PALB2: variants seen among roughly 807,000 people sequenced by gnomAD.
The protein encoded by PALB2 is mutant partner and localizer of BRCA2.
A neutral mutation model predicts 107.4 loss-of-function variants in PALB2; 82 were observed. That is an observed-to-expected ratio of 0.76 (90% CI 0.64 to 0.92). The LOEUF (loss-of-function observed/expected upper bound fraction) is 0.92, where lower values mean the gene tolerates loss of function less well. PALB2 is among the 40% of genes least tolerant of loss of function. The pLI, the probability that PALB2 is intolerant of heterozygous loss-of-function variation, is 0.00. For missense variants in PALB2, 1,374 were observed against 1,379.9 expected (o/e 1.00, Z 0.07); for synonymous variants, 489 against 496.8 (o/e 0.98, Z 0.21).
Position 23,603,744 on chromosome 16 carries a change from C to T in PALB2, c.3351-75G>A, listed in dbSNP as rs1329160583. The T allele has an allele frequency of 3.0e-6, 4 of 1,349,072 alleles. No homozygotes were observed. In the African/African-American group the frequency reaches 5.9e-5, roughly 20 times the overall value. 83.6% of individuals were successfully genotyped at this position (1,349,072 alleles called of 1,614,324 possible). Reference sequence around the variant, plus strand: ...ATTAAAAAAAAAAAAAAGGTCAAAACCATGTTCCCAAAACCAGCAACAGGA... The same window carrying T: ...ATTAAAAAAAAAAAAAAGGTCAAAATCATGTTCCCAAAACCAGCAACAGGA... On this transcript the variant is annotated intron_variant, in intron 12 of 12. Transcript: ENST00000261584.
In PALB2 at chr16:23,624,005, A is replaced by G. The variant is rs982643702; in HGVS notation, c.2834+4T>C. The stretch of plus-strand genomic sequence containing the variant: ...AAACAAATCACTCCTTGGGAATTAC[A>G]TACCTGATCTCTCTGATTTCCAAAT... On this transcript the variant is annotated splice_donor_region_variant and intron_variant, in intron 8 of 12. Transcript: ENST00000261584. 2 of 1,567,998 alleles carry G rather than the reference A, an allele frequency of 1.3e-6. No homozygotes were observed. The highest frequency in any genetic ancestry group is 1.7e-5 in the Admixed American group (1 of 59,944).
chr16:23,630,271 T>G lies in PALB2; in HGVS notation c.1883A>C (p.Lys628Thr), dbSNP rs954390684. ...CTCCACTGGTTTTTCTGAGCAGGAC[T>G]TCACTTTTTCAAGCTTAAGAGGTCC... is the stretch of plus-strand genomic sequence containing the variant. ...DFGPLKLEKV[K>T]SCSEKPVEPF... The change falls in exon 5 of 13, where the codon AAG (lysine) becomes ACG (threonine). Residue 628 changes from lysine to threonine, a missense_variant. By Grantham distance (78) the Lys-to-Thr change is moderately conservative (BLOSUM62 -1). Transcript: ENST00000261584. 5 of 1,614,014 alleles carry G rather than the reference T, an allele frequency of 3.1e-6. No homozygotes were observed. The highest frequency in any genetic ancestry group is 1.6e-4 in the Middle Eastern group (1 of 6,084).
At chr16:23,615,765 A>G (rs1315723901) in intron 10 of PALB2, among the ~76,000 whole-genome samples, 1 of 152,034 alleles carries the variant, frequency 6.6e-6, no homozygotes, top group African/African-American at 2.4e-5. Context: ...CCCAGGTTCA[A>G]GCAATTCTCC....
rs1354687901 is a variant in PALB2, at chr16:23,637,879, T to C, written c.182A>G (p.Gln61Arg). The C allele has an allele frequency of 6.2e-7, 1 of 1,613,994 alleles. No individual in the cohort carries two copies. The highest frequency in any genetic ancestry group is 2.2e-5 in the East Asian group (1 of 44,874). The change falls in exon 3 of 13, where the codon CAG becomes CGG. Residue 61 changes from glutamine (Q) to arginine (R), a missense_variant. Physicochemically the swap from Gln to Arg is conservative, Grantham distance 43 (BLOSUM62 1). Transcript: ENST00000261584. Reference sequence around the variant, plus strand: ...GTGTTTTAGCTGCGGTGAGAGATCCTGCTGAGACAAACAATCTTGTTCTTC... The same window carrying C: ...GTGTTTTAGCTGCGGTGAGAGATCCCGCTGAGACAAACAATCTTGTTCTTC... The part of the protein sequence containing the change: ...TVEEQDCLSQ[Q>R]DLSPQLKHSE...
At chr16:23,613,644 CAAA>C (rs58876099) in intron 11 of PALB2, among the ~76,000 whole-genome samples, 1 of 129,830 alleles carries the variant, frequency 7.7e-6, no homozygotes. Flanking sequence ...AACTCCATCC[CAAA>C]AAAAAAAAAA....
rs1555461202 is a variant in PALB2 at position 23,634,951 on chromosome 16, G to A, written c.1595C>T (p.Pro532Leu). The A allele has an allele frequency of 6.2e-7, 1 of 1,614,138 alleles. No individual in the cohort carries two copies. The highest frequency in any genetic ancestry group is 8.5e-7 in the Non-Finnish European group (1 of 1,180,036). ...GTTAACAATCGACAGGCTAGAAGTT[G>A]GCAAAAGTGGTTCACAATGATCTGA... is the stretch of plus-strand genomic sequence containing the variant. Reference protein sequence around the residue: ...PASDHCEPLLPTSSLSIVNRS... With the variant: ...PASDHCEPLLLTSSLSIVNRS... Residue 532 changes from proline (P) to leucine (L), a missense_variant, in exon 4 of 13, where the codon CCA (proline) becomes CTA (leucine). Pro to Leu is a moderately conservative substitution (Grantham distance 98). Transcript: ENST00000261584.
At chr16:23,631,022 C>CA (rs1966871557) in intron 4 of PALB2, among the ~76,000 whole-genome samples, 1 of 149,638 alleles carries the variant, frequency 6.7e-6, no homozygotes, top group African/African-American at 2.5e-5. Flanking sequence ...TCAGCACTTT[C>CA]AGAGGCTGAG....
At position 23,631,975 on chromosome 16, in the gene PALB2, T is replaced by A. The variant is rs566502256; in HGVS notation, c.1685-1506A>T. Among the ~76,000 whole-genome samples, 79 of 152,262 alleles carry A rather than the reference T, an allele frequency of 5.2e-4. 1 individual carries two copies. The highest frequency in any genetic ancestry group is 1.9e-3 in the African/African-American group (77 of 41,548). On this transcript the variant is annotated intron_variant, in intron 4 of 12. Coordinates refer to ENST00000261584, the MANE Select transcript of PALB2 (RefSeq NM_024675.4). ...AATCCTCCCACATCAGCCTCCTGAGTAGCAATTTACCGCTCTTATTGCAAA... is the reference window on the plus strand; with the variant it reads ...AATCCTCCCACATCAGCCTCCTGAGAAGCAATTTACCGCTCTTATTGCAAA...
chr16:23,603,984 T>C (rs1966414375), intron 12 of PALB2, among the ~76,000 whole-genome samples: 1 of 152,186 alleles, frequency 6.6e-6, no homozygotes, highest in Admixed American at 6.6e-5. Flanking sequence ...CTCTTGCCAT[T>C]CTTTCTCCCT....
At chr16:23,640,440 G>A in intron 1 of PALB2, 1 of 203,996 alleles carries the variant, frequency 4.9e-6, no homozygotes. Context: ...GGAAGCGGAG[G>A]TTGCAGTGAG....
At chr16:23,638,532 C>T (rs914183164) in intron 1 of PALB2, 2 of 461,598 alleles carry the variant, frequency 4.3e-6, no homozygotes, top group Non-Finnish European at 8.6e-6. Flanking sequence ...AACTGCCATC[C>T]TCAGTCACTC....
Position 23,630,477 on chromosome 16 carries a change from A to C in PALB2, c.1685-8T>G, listed in dbSNP as rs1409579395. On this transcript the variant is annotated splice_region_variant and splice_polypyrimidine_tract_variant and intron_variant, in intron 4 of 12. Transcript: ENST00000261584. ...GATGACGACTTTTCTTCCCTAAAGA[A>C]GAAAAATAAGTCACAAAATAGTAAC... 6.3e-7 allele frequency: 1 copy of C among 1,593,068 alleles called. No individual in the cohort carries two copies. The highest frequency in any genetic ancestry group is 8.6e-7 in the Non-Finnish European group (1 of 1,164,582).
intron 10 of PALB2, among the ~76,000 whole-genome samples, chr16:23,615,828 C>T (rs924407242): frequency 7.9e-5 from 12 of 151,928 alleles, no homozygotes; most frequent in African/African-American, 2.9e-4. Flanking sequence ...CCACACCCAG[C>T]TAATTTTTGT....
In PALB2 at chr16:23,626,419, T is replaced by C. The variant is rs769394881; in HGVS notation, c.2587-22A>G. The C allele has an allele frequency of 2.5e-6, 4 of 1,614,110 alleles. No individual in the cohort carries two copies. The Admixed American group carries it at 6.7e-5, about 27-fold the overall frequency. On this transcript the variant is annotated intron_variant, in intron 6 of 12. Transcript: ENST00000261584. ...GATTCTGACACAATGGCAACAGTTC[T>C]GTTAAAGTGGCACTCGAGTGCTGTT...
rs967436311 is a variant in PALB2 at position 23,614,048 on chromosome 16, C to A, written c.3157G>T (p.Asp1053Tyr). 6.2e-7 allele frequency: 1 copy of A among 1,613,604 alleles called. No individual in the cohort carries two copies. Among genetic ancestry groups the A allele is most frequent in the Non-Finnish European group, 8.5e-7 (1 of 1,179,630 alleles). The change falls in exon 11 of 13, where the codon GAT (aspartate) becomes TAT (tyrosine). Residue 1053 changes from aspartate to tyrosine, a missense_variant. Coordinates refer to ENST00000261584, the MANE Select transcript of PALB2 (RefSeq NM_024675.4). ...GQLLKKMHID[D>Y]SYQASVCHKA... ...TGACAGACTGAAGCTTGGTAAGAATCATCAATGTGCATCTTTTTCAGGAGT... is the reference window on the plus strand; with the variant it reads ...TGACAGACTGAAGCTTGGTAAGAATAATCAATGTGCATCTTTTTCAGGAGT...
chr16:23,630,541 A>T, intron 4 of PALB2, 72 bp from the exon 5 acceptor site: 2 of 1,191,260 alleles, frequency 1.7e-6, no homozygotes, highest in Non-Finnish European at 2.4e-6. Context: ...CACTGATGAC[A>T]AAGAGAATAG....
rs771727528 is a variant in PALB2, at chr16:23,629,590, A to G, written c.2514+50T>C. 3 of 1,548,604 alleles carry G rather than the reference A, an allele frequency of 1.9e-6. No individual in the cohort carries two copies. In the Admixed American group the frequency reaches 5.0e-5, roughly 26 times the overall value. On this transcript the variant is annotated intron_variant, in intron 5 of 12. Coordinates refer to ENST00000261584, the MANE Select transcript of PALB2 (RefSeq NM_024675.4). ...GCAAGTCATGCTGTTTACATTCACT[A>G]AGGCATTTCATTCCTTCAGAGAAAA...
chr16:23,640,006 C>A (rs923987495), intron 1 of PALB2, among the ~76,000 whole-genome samples: 7 of 152,062 alleles, frequency 4.6e-5, no homozygotes, highest in African/African-American at 1.4e-4. Context: ...GTGCATCAGC[C>A]TCTGAGGCCT....
intron 7 of PALB2, 99 bp downstream of exon 7, chr16:23,626,137 G>A (rs1387545655): frequency 2.7e-5 from 36 of 1,347,692 alleles, no homozygotes; most frequent in Non-Finnish European, 3.8e-5. Flanking sequence ...TCTCTGTTCT[G>A]CCTTGCATGG....
Sources: gnomAD v4.1 joint callset for allele counts (sites outside exome capture counted in the v4.1 genomes callset) on GRCh38, gnomAD v4.1.1 for gene constraint, MANE v1.5 for transcripts, NCBI Gene and HGNC (gene_info 2026-07-23, HGNC 2026-07-21) for gene names.